Variants in DPYD observed in about 807,000 individuals in gnomAD.
The protein encoded by DPYD is dihydropyrimidine dehydrogenase.
A neutral mutation model predicts 116.2 loss-of-function variants in DPYD; 109 were observed. The ratio of observed to expected loss-of-function variants is 0.94; its 90% CI spans 0.80 to 1.10. The LOEUF (loss-of-function observed/expected upper bound fraction) is 1.10, where lower values mean the gene tolerates loss of function less well. Ranked by LOEUF, DPYD falls within the 50% of genes least tolerant of loss-of-function variation. DPYD has a pLI of 0.00. For synonymous variants in DPYD, 440 were observed against 432.0 expected, an observed-to-expected ratio of 1.02 and a Z score of -0.23; for missense variants, 1,302 against 1,254.5, an observed-to-expected ratio of 1.04 and a Z score of -0.57.
At chr1:97,305,531 T>A (rs1186197984) in intron 17 of DPYD, among the ~76,000 whole-genome samples, 153 bp from the exon 18 acceptor site, 4 of 152,028 alleles carry the variant, frequency 2.6e-5, no homozygotes, top group African/African-American at 9.7e-5. Context: ...CTCCTACATT[T>A]ATGTTTAAAA....
At chr1:97,826,213 A>C (rs1365001558) in intron 3 of DPYD, among the ~76,000 whole-genome samples, 1 of 152,204 alleles carries the variant, frequency 6.6e-6, no homozygotes, top group Admixed American at 6.5e-5. Context: ...TTTTTTAAAA[A>C]ACAGGACATC....
At chr1:97,704,403 G>T (rs1468230830) in intron 5 of DPYD, among the ~76,000 whole-genome samples, 1 of 151,782 alleles carries the variant, frequency 6.6e-6, no homozygotes, top group African/African-American at 2.4e-5. Flanking sequence ...AACTGCCAAT[G>T]AATAGATTGT....
intron 13 of DPYD, among the ~76,000 whole-genome samples, chr1:97,475,989 T>G (rs1677942623): frequency 6.6e-6 from 1 of 152,164 alleles, no homozygotes; most frequent in African/African-American, 2.4e-5. Flanking sequence ...ATCAGAAAAT[T>G]AAAGCTAGAT....
At chr1:97,877,718 T>C (rs1671995674) in intron 2 of DPYD, among the ~76,000 whole-genome samples, 1 of 152,048 alleles carries the variant, frequency 6.6e-6, no homozygotes, top group Non-Finnish European at 1.5e-5. Flanking sequence ...CAGGTATTGC[T>C]TTCTTACTGG....
intron 13 of DPYD, among the ~76,000 whole-genome samples, chr1:97,478,309 G>C (rs1475407034): frequency 6.6e-6 from 1 of 151,836 alleles, no homozygotes; most frequent in African/African-American, 2.4e-5. Flanking sequence ...TTTTCTTTGA[G>C]ATGGAGTCTT....
intron 20 of DPYD, among the ~76,000 whole-genome samples, chr1:97,175,755 C>CT (rs1196321341): frequency 2.0e-5 from 3 of 152,148 alleles, no homozygotes; most frequent in African/African-American, 7.2e-5. Context: ...AAAAATCATC[C>CT]TTGAAGCTCA....
chr1:97,546,068 A>G, intron 12 of DPYD: 2 of 1,405,084 alleles, frequency 1.4e-6, no homozygotes, highest in Non-Finnish European at 2.0e-6. Context: ...ACAACATCAC[A>G]GTAGGATCCT....
intron 21 of DPYD, among the ~76,000 whole-genome samples, chr1:97,088,335 T>C (rs1477265986): frequency 2.0e-5 from 3 of 152,234 alleles, no homozygotes; most frequent in Non-Finnish European, 4.4e-5. Context: ...AAGATTCCTT[T>C]AGCTGCCATT....
chr1:97,875,658 A>G (rs1671875533), intron 2 of DPYD, among the ~76,000 whole-genome samples: 1 of 152,000 alleles, frequency 6.6e-6, no homozygotes, highest in Non-Finnish European at 1.5e-5. Context: ...CACATTTCAC[A>G]GTATATTTTT....
At chr1:97,739,137 G>T (rs545070627) in intron 4 of DPYD, among the ~76,000 whole-genome samples, 1 of 152,062 alleles carries the variant, frequency 6.6e-6, no homozygotes, top group Admixed American at 6.6e-5. Context: ...TTTCTGATGA[G>T]ATCTTTATTA....
At chr1:97,704,431 G>C (rs2100984781) in intron 5 of DPYD, among the ~76,000 whole-genome samples, 1 of 151,818 alleles carries the variant, frequency 6.6e-6, no homozygotes, top group East Asian at 1.9e-4. Context: ...AAAAAAAAGA[G>C]GGTTAACTTA....
At chr1:97,318,693 A>G (rs1403199415) in intron 16 of DPYD, among the ~76,000 whole-genome samples, 1 of 150,720 alleles carries the variant, frequency 6.6e-6, no homozygotes, top group Non-Finnish European at 1.5e-5. Context: ...GTCAACAAGG[A>G]TACCCAGGAA....
At chr1:97,187,960 T>C (rs1658109312) in intron 20 of DPYD, among the ~76,000 whole-genome samples, 1 of 152,182 alleles carries the variant, frequency 6.6e-6, no homozygotes, top group African/African-American at 2.4e-5. Flanking sequence ...TACCATGCTG[T>C]TTTTATTACC....
intron 20 of DPYD, among the ~76,000 whole-genome samples, chr1:97,169,888 C>A (rs748349224): frequency 6.6e-6 from 1 of 152,158 alleles, no homozygotes; most frequent in Non-Finnish European, 1.5e-5. Context: ...CCATCTCCAC[C>A]TGCATCCCTT....
chr1:97,906,393 T>C (rs1449559725), intron 1 of DPYD, among the ~76,000 whole-genome samples: 5 of 152,100 alleles, frequency 3.3e-5, no homozygotes, highest in African/African-American at 1.2e-4. Flanking sequence ...TGTCTTGATA[T>C]ATAATTATTG....
intron 12 of DPYD, among the ~76,000 whole-genome samples, chr1:97,525,608 A>G (rs1258137365): frequency 6.6e-6 from 1 of 152,178 alleles, no homozygotes; most frequent in Non-Finnish European, 1.5e-5. Flanking sequence ...TTTAGATGAA[A>G]TAATCATTAG....
intron 2 of DPYD, among the ~76,000 whole-genome samples, chr1:97,857,190 T>C (rs1042095504): frequency 6.6e-6 from 1 of 152,122 alleles, no homozygotes; most frequent in African/African-American, 2.4e-5. Flanking sequence ...CTAGCTATCA[T>C]GGAGTATATG....
intron 16 of DPYD, among the ~76,000 whole-genome samples, chr1:97,308,734 C>T (rs1041726766): frequency 2.0e-5 from 3 of 151,810 alleles, no homozygotes. Flanking sequence ...CTAGTGATAG[C>T]ATGAGATGGC....
chr1:97,318,176 C>G (rs566375681), intron 16 of DPYD, among the ~76,000 whole-genome samples: 2 of 145,312 alleles, frequency 1.4e-5, no homozygotes, highest in Non-Finnish European at 3.0e-5. Context: ...CATCAACTAA[C>G]GAGCAAAATC....
Sources: gnomAD v4.1 joint callset for allele counts (sites outside exome capture counted in the v4.1 genomes callset) on GRCh38, gnomAD v4.1.1 for gene constraint, MANE v1.5 for transcripts, NCBI Gene and HGNC (gene_info 2026-07-23, HGNC 2026-07-21) for gene names.